The following GPR158 variants were observed in gnomAD, a reference collection of about 807,000 sequenced individuals.
GPR158 encodes the protein metabotropic glycine receptor.
GPR158 carries 30 observed loss-of-function variants against 78.2 expected under a neutral mutation model. That is an observed-to-expected ratio of 0.38 (90% CI 0.29 to 0.52). GPR158 has a LOEUF of 0.52. GPR158 is among the 20% of genes least tolerant of loss of function. GPR158 has a pLI of 0.83. For synonymous variants in GPR158, 581 were observed against 591.1 expected, an observed-to-expected ratio of 0.98 and a Z score of 0.25; for missense variants, 1,463 against 1,523.5, an observed-to-expected ratio of 0.96 and a Z score of 0.66.
At chr10:25,305,762 A>C (rs1854666613) in intron 2 of GPR158, among the ~76,000 whole-genome samples, 1 of 152,220 alleles carries the variant, frequency 6.6e-6, no homozygotes, top group African/African-American at 2.4e-5. Context: ...CTATGACATC[A>C]TGGGATTAAA....
intron 2 of GPR158, among the ~76,000 whole-genome samples, chr10:25,370,542 A>G (rs902057416): frequency 2.1e-5 from 3 of 140,106 alleles, no homozygotes; most frequent in African/African-American, 5.4e-5. Context: ...ACAGTTTGTT[A>G]TAATTTCTGT....
At chr10:25,577,279 G>C (rs1006367052) in intron 7 of GPR158, among the ~76,000 whole-genome samples, 1 of 152,078 alleles carries the variant, frequency 6.6e-6, no homozygotes, top group African/African-American at 2.4e-5. Context: ...AACCTGTACT[G>C]AACACTAAAT....
chr10:25,582,070 T>C (rs1837208791), intron 7 of GPR158, among the ~76,000 whole-genome samples: 2 of 152,210 alleles, frequency 1.3e-5, no homozygotes, highest in Admixed American at 6.5e-5. Context: ...AAGAATAGTA[T>C]GGGGGAAACC....
intron 1 of GPR158, among the ~76,000 whole-genome samples, chr10:25,185,264 T>G (rs1852666243): frequency 6.6e-6 from 1 of 152,204 alleles, no homozygotes. Context: ...GTGCATATAT[T>G]TATGCTCATA....
intron 8 of GPR158, among the ~76,000 whole-genome samples, chr10:25,591,743 A>C (rs1025066853): frequency 2.0e-5 from 3 of 152,116 alleles, no homozygotes. Context: ...AATTTGACCC[A>C]CTATATCTTT....
intron 6 of GPR158, among the ~76,000 whole-genome samples, chr10:25,569,391 A>G (rs371833940): frequency 1.1e-4 from 16 of 152,354 alleles, no homozygotes; most frequent in African/African-American, 3.8e-4. Flanking sequence ...CAAATCCACT[A>G]TTAGCTCTCT....
At chr10:25,373,616 C>T (rs1834035648) in intron 2 of GPR158, among the ~76,000 whole-genome samples, 1 of 151,832 alleles carries the variant, frequency 6.6e-6, no homozygotes, top group Non-Finnish European at 1.5e-5. Context: ...TTTTATGTGT[C>T]ATATTTACAT....
chr10:25,231,175 G>A (rs114614983), intron 2 of GPR158, among the ~76,000 whole-genome samples: 37 of 152,222 alleles, frequency 2.4e-4, no homozygotes, highest in African/African-American at 8.9e-4. Context: ...GTTCATTCAA[G>A]CTAGCTTATA....
chr10:25,258,966 A>G (rs562317442), intron 2 of GPR158, among the ~76,000 whole-genome samples: 1 of 152,214 alleles, frequency 6.6e-6, no homozygotes, highest in African/African-American at 2.4e-5. Context: ...TAGGCAAATC[A>G]TAAGAGAGAA....
chr10:25,414,144 T>C (rs578185721), intron 4 of GPR158, among the ~76,000 whole-genome samples: 2 of 152,308 alleles, frequency 1.3e-5, no homozygotes, highest in East Asian at 1.9e-4. Flanking sequence ...TAATGATTGC[T>C]CTGCTAAATG....
intron 2 of GPR158, among the ~76,000 whole-genome samples, chr10:25,345,890 A>T (rs1295151552): frequency 6.6e-6 from 1 of 151,974 alleles, no homozygotes. Context: ...GGCAGAAGAC[A>T]TCTGTATTGG....
intron 2 of GPR158, among the ~76,000 whole-genome samples, chr10:25,330,372 T>C (rs927730041): frequency 4.6e-5 from 7 of 152,214 alleles, no homozygotes; most frequent in African/African-American, 1.2e-4. Flanking sequence ...AAGTCACATA[T>C]ACTAAAATTT....
chr10:25,232,077 A>G (rs1853456218), intron 2 of GPR158, among the ~76,000 whole-genome samples: 1 of 152,178 alleles, frequency 6.6e-6, no homozygotes, highest in Non-Finnish European at 1.5e-5. Context: ...ATGAAATATG[A>G]AGTTAGTGAA....
intron 4 of GPR158, among the ~76,000 whole-genome samples, chr10:25,436,538 A>G (rs957434066): frequency 6.6e-6 from 1 of 152,260 alleles, no homozygotes; most frequent in Non-Finnish European, 1.5e-5. Flanking sequence ...AGTCCTTTGA[A>G]TAATTCAAGA....
chr10:25,256,775 A>G (rs1853894897), intron 2 of GPR158, among the ~76,000 whole-genome samples: 2 of 152,236 alleles, frequency 1.3e-5, no homozygotes, highest in South Asian at 4.1e-4. Flanking sequence ...AATTAAACAT[A>G]TAGATATGCT....
chr10:25,315,537 T>G (rs1162699334), intron 2 of GPR158, among the ~76,000 whole-genome samples: 3 of 152,158 alleles, frequency 2.0e-5, no homozygotes, highest in Non-Finnish European at 4.4e-5. Flanking sequence ...TGAACTAAAT[T>G]GAAAAATTTG....
intron 2 of GPR158, among the ~76,000 whole-genome samples, chr10:25,388,465 C>T (rs1346271622): frequency 6.6e-6 from 1 of 152,242 alleles, no homozygotes. Flanking sequence ...CCATAAGCAC[C>T]AGGCCAAATG....
At chr10:25,329,871 C>T (rs12781968) in intron 2 of GPR158, among the ~76,000 whole-genome samples, 1 of 152,054 alleles carries the variant, frequency 6.6e-6, no homozygotes, top group Non-Finnish European at 1.5e-5. Flanking sequence ...GACCGTGTTT[C>T]TCTCAGCTAC....
At chr10:25,544,015 G>C (rs563283522) in intron 5 of GPR158, among the ~76,000 whole-genome samples, 1 of 152,306 alleles carries the variant, frequency 6.6e-6, no homozygotes, top group South Asian at 2.1e-4. Flanking sequence ...TAAAGGTAAA[G>C]GGAAGTTGGT....
Sources: gnomAD v4.1 joint callset for allele counts (sites outside exome capture counted in the v4.1 genomes callset) on GRCh38, gnomAD v4.1.1 for gene constraint, MANE v1.5 for transcripts, NCBI Gene and HGNC (gene_info 2026-07-23, HGNC 2026-07-21) for gene names.